The following ROBO2 variants were observed in gnomAD, a reference collection of about 807,000 sequenced individuals.
ROBO2 encodes the protein roundabout guidance receptor 2.
A neutral mutation model predicts 160.8 loss-of-function variants in ROBO2; 53 were observed. The ratio of observed to expected loss-of-function variants is 0.33; its 90% CI spans 0.26 to 0.41. The LOEUF (loss-of-function observed/expected upper bound fraction) is 0.41, where lower values mean the gene tolerates loss of function less well. Among genes scored for constraint, ROBO2 ranks in the 10% least tolerant of loss-of-function variants. The pLI is 1.00. For synonymous variants in ROBO2, 664 were observed against 611.7 expected (o/e 1.09, Z -1.26); for missense variants, 1,577 against 1,722.4 (o/e 0.92, Z 1.49).
chr3:76,866,096 T>C (rs1279406872), intron 2 of ROBO2, among the ~76,000 whole-genome samples: 1 of 152,114 alleles, frequency 6.6e-6, no homozygotes, highest in Non-Finnish European at 1.5e-5. Context: ...TTTCAGTCCA[T>C]TTAATTTTAT....
chr3:76,606,061 T>G (rs1302633267), intron 2 of ROBO2, among the ~76,000 whole-genome samples: 1 of 152,180 alleles, frequency 6.6e-6, no homozygotes, highest in South Asian at 2.1e-4. Flanking sequence ...CTCTATAAAT[T>G]TTGTGCCTTA....
At chr3:76,107,012 C>T (rs2069967410) in intron 2 of ROBO2, among the ~76,000 whole-genome samples, 1 of 151,844 alleles carries the variant, frequency 6.6e-6, no homozygotes, top group African/African-American at 2.4e-5. Flanking sequence ...CATTGTAAGA[C>T]AAAATAGGTA....
intron 2 of ROBO2, among the ~76,000 whole-genome samples, chr3:77,114,756 A>G (rs550673856): frequency 6.6e-6 from 1 of 152,136 alleles, no homozygotes; most frequent in African/African-American, 2.4e-5. Context: ...AGAGAAAATA[A>G]TTTTTTTAAA....
intron 2 of ROBO2, among the ~76,000 whole-genome samples, chr3:76,045,759 T>A (rs990153607): frequency 4.6e-5 from 7 of 152,040 alleles, no homozygotes; most frequent in African/African-American, 1.7e-4. Context: ...ATTTCAGGAA[T>A]CTTTGCTGCT....
chr3:76,818,717 C>A (rs575988181), intron 2 of ROBO2, among the ~76,000 whole-genome samples: 1 of 152,132 alleles, frequency 6.6e-6, no homozygotes, highest in Non-Finnish European at 1.5e-5. Flanking sequence ...ATAGGGTGTC[C>A]TTTCCCCACT....
intron 2 of ROBO2, among the ~76,000 whole-genome samples, chr3:76,724,727 A>G (rs1202341038): frequency 6.6e-6 from 1 of 152,102 alleles, no homozygotes; most frequent in Non-Finnish European, 1.5e-5. Context: ...TCACACCCTA[A>G]TCTCTGCAAC....
chr3:76,006,456 T>A (rs1372482077), intron 2 of ROBO2, among the ~76,000 whole-genome samples: 1 of 152,106 alleles, frequency 6.6e-6, no homozygotes, highest in Non-Finnish European at 1.5e-5. Flanking sequence ...TGTGATGAGA[T>A]CAGCATTCGG....
intron 2 of ROBO2, among the ~76,000 whole-genome samples, chr3:76,176,382 TA>T (rs201811064): frequency 0.038 from 5,841 of 152,228 alleles, 290 homozygotes; most frequent in African/African-American, 0.12. Flanking sequence ...CAGGGATAAA[TA>T]AAACTATTTT....
At chr3:76,518,153 C>T (rs551506464) in intron 2 of ROBO2, among the ~76,000 whole-genome samples, 2 of 152,114 alleles carry the variant, frequency 1.3e-5, no homozygotes, top group East Asian at 3.9e-4. Flanking sequence ...AAAACAGAAA[C>T]AATAATGACA....
At chr3:77,583,909 A>T (rs1035322954) in intron 16 of ROBO2, among the ~76,000 whole-genome samples, 2 of 152,074 alleles carry the variant, frequency 1.3e-5, no homozygotes, top group African/African-American at 4.8e-5. Context: ...CTCAAGACAA[A>T]ACCTCAGTAA....
chr3:77,188,816 A>G (rs1237269135), intron 2 of ROBO2, among the ~76,000 whole-genome samples: 2 of 151,888 alleles, frequency 1.3e-5, no homozygotes, highest in Non-Finnish European at 2.9e-5. Context: ...ATAGTCTTAC[A>G]TAGAGCCAAA....
chr3:76,039,195 G>A (rs1439196401), intron 2 of ROBO2, among the ~76,000 whole-genome samples: 1 of 151,984 alleles, frequency 6.6e-6, no homozygotes, highest in East Asian at 1.9e-4. Flanking sequence ...TCCTGTCTTG[G>A]CTTTTGTTTG....
At chr3:76,307,862 G>T (rs1018963012) in intron 2 of ROBO2, among the ~76,000 whole-genome samples, 2 of 152,094 alleles carry the variant, frequency 1.3e-5, no homozygotes, top group Non-Finnish European at 2.9e-5. Flanking sequence ...TATTGAGCAT[G>T]TTATCACTAT....
intron 2 of ROBO2, among the ~76,000 whole-genome samples, chr3:76,823,514 T>C (rs2066298777): frequency 6.6e-6 from 1 of 152,168 alleles, no homozygotes; most frequent in South Asian, 2.1e-4. Flanking sequence ...AAATTGATAT[T>C]TGGCCTGTGC....
chr3:76,882,087 TG>T (rs1409338737), intron 2 of ROBO2, among the ~76,000 whole-genome samples: 5 of 46,690 alleles, frequency 1.1e-4, no homozygotes, highest in African/African-American at 3.6e-4. Context: ...GTAGGTTGGT[TG>T]TGTGTGTGTG....
chr3:77,120,184 T>C (rs77955224), intron 2 of ROBO2, among the ~76,000 whole-genome samples: 2,030 of 152,328 alleles, frequency 0.013, 55 homozygotes, highest in African/African-American at 0.046. Flanking sequence ...TTTTAACGTG[T>C]AATAGACATT....
chr3:77,490,187 G>A (rs576147248), intron 4 of ROBO2, among the ~76,000 whole-genome samples: 41 of 144,340 alleles, frequency 2.8e-4, no homozygotes, highest in African/African-American at 1.0e-3. Context: ...TGCAAGCTCC[G>A]CCTCCCGGGT....
intron 2 of ROBO2, among the ~76,000 whole-genome samples, chr3:77,393,677 C>A (rs2074979255): frequency 6.6e-6 from 1 of 150,520 alleles, no homozygotes; most frequent in Admixed American, 6.6e-5. Flanking sequence ...TCAGGATATT[C>A]ATATTTATAT....
At chr3:77,637,178 G>C (rs2095277901) in intron 24 of ROBO2, among the ~76,000 whole-genome samples, 1 of 152,166 alleles carries the variant, frequency 6.6e-6, no homozygotes, top group African/African-American at 2.4e-5. Context: ...TAATTTTAAA[G>C]CTCCACAAGT....
Sources: gnomAD v4.1 joint callset for allele counts (sites outside exome capture counted in the v4.1 genomes callset) on GRCh38, gnomAD v4.1.1 for gene constraint, MANE v1.5 for transcripts, NCBI Gene and HGNC (gene_info 2026-07-23, HGNC 2026-07-21) for gene names.